The following NXPE2 variants were observed in gnomAD, a reference collection of about 807,000 sequenced individuals.
NXPE2 encodes the protein neurexophilin and PC-esterase domain family member 2.
In NXPE2, 34 loss-of-function variants were observed where a neutral mutation model predicts 34.4. The observed-to-expected ratio is 0.99, with a 90% CI of 0.75 to 1.31. The LOEUF is 1.31. Among genes scored for constraint, NXPE2 ranks in the 40% most tolerant of loss-of-function variants. The probability of loss-of-function intolerance (pLI) is 0.00; values close to 1 mark genes in which losing one functional copy is unlikely to be tolerated. For missense variants in NXPE2, 649 were observed against 672.5 expected (o/e 0.97, Z 0.39); for synonymous variants, 235 against 231.3 (o/e 1.02, Z -0.15).
At chr11:114,731,308 T>C in the NXPE2 span, among the ~76,000 whole-genome samples, 48,905 of 152,020 alleles carry the variant, frequency 0.32, 7,910 homozygotes, top group East Asian at 0.43. Context: ...TGGAAAACAG[T>C]TTGGCAGTTT....
intron 5 of NXPE2, among the ~76,000 whole-genome samples, 162 bp downstream of exon 5, chr11:114,706,158 G>A (rs1951469168): frequency 6.7e-6 from 1 of 150,358 alleles, no homozygotes; most frequent in Non-Finnish European, 1.5e-5. Flanking sequence ...TTAATAAAAA[G>A]TTAAATTTTA....
At chr11:114,711,840 T>G (rs1859619707), downstream of NXPE2, among the ~76,000 whole-genome samples, 1 of 152,132 alleles carries the variant, frequency 6.6e-6, no homozygotes, top group Admixed American at 6.6e-5. Flanking sequence ...CACTCCTTGA[T>G]TTTAAAACAT....
chr11:114,576,078 C>A, the NXPE2 span, among the ~76,000 whole-genome samples: 4 of 151,976 alleles, frequency 2.6e-5, no homozygotes, highest in South Asian at 8.3e-4. Flanking sequence ...TTTGACAAAG[C>A]AAACAAAAAC....
the NXPE2 span, among the ~76,000 whole-genome samples, chr11:114,774,551 T>C: frequency 6.6e-6 from 1 of 152,206 alleles, no homozygotes; most frequent in Non-Finnish European, 1.5e-5. Flanking sequence ...GGAGGAGGGC[T>C]CCTTACATTC....
chr11:114,742,575 G>A, the NXPE2 span, among the ~76,000 whole-genome samples: 3 of 150,270 alleles, frequency 2.0e-5, no homozygotes, highest in East Asian at 5.9e-4. Context: ...GGTGACACAG[G>A]TAAAGTGAAA....
chr11:114,663,645 C>T, the NXPE2 span, among the ~76,000 whole-genome samples: 32 of 65,008 alleles, frequency 4.9e-4, no homozygotes, highest in South Asian at 1.4e-3. Flanking sequence ...ATCATCTATC[C>T]ATCTATCATC....
the NXPE2 span, among the ~76,000 whole-genome samples, chr11:114,792,790 C>A: frequency 3.3e-5 from 5 of 152,198 alleles, no homozygotes; most frequent in Admixed American, 3.3e-4. Flanking sequence ...TTAATTGATT[C>A]TGCTAAACAC....
chr11:114,661,112 A>T, the NXPE2 span, among the ~76,000 whole-genome samples: 2 of 152,180 alleles, frequency 1.3e-5, no homozygotes, highest in African/African-American at 4.8e-5. Flanking sequence ...ATCAAAGAAG[A>T]CATAAATAAA....
At chr11:114,671,826 G>A in the NXPE2 span, among the ~76,000 whole-genome samples, 129,425 of 151,994 alleles carry the variant, frequency 0.85, 56,107 homozygotes, top group East Asian at 0.92. Flanking sequence ...AAGTGACCAC[G>A]GACAGTAATT....
At chr11:114,591,230 C>T in the NXPE2 span, among the ~76,000 whole-genome samples, 3 of 152,188 alleles carry the variant, frequency 2.0e-5, no homozygotes, top group Non-Finnish European at 1.5e-5. Flanking sequence ...CTTACAAGAG[C>T]ACTTGAATTA....
the NXPE2 span, among the ~76,000 whole-genome samples, chr11:114,717,835 G>T: frequency 2.0e-5 from 3 of 152,298 alleles, no homozygotes; most frequent in East Asian, 5.8e-4. Flanking sequence ...TTTGTTGGGG[G>T]AGAGTGAGGG....
the NXPE2 span, among the ~76,000 whole-genome samples, chr11:114,566,132 A>G: frequency 6.6e-6 from 1 of 152,188 alleles, no homozygotes; most frequent in African/African-American, 2.4e-5. Context: ...TAAATGGGAT[A>G]TTAAGTAGGC....
At chr11:114,807,369 A>T in the NXPE2 span, among the ~76,000 whole-genome samples, 1 of 152,254 alleles carries the variant, frequency 6.6e-6, no homozygotes, top group Non-Finnish European at 1.5e-5. Context: ...AATGGGCTAA[A>T]TGCTGCAATT....
chr11:114,562,045 C>T, the NXPE2 span, among the ~76,000 whole-genome samples: 1 of 152,168 alleles, frequency 6.6e-6, no homozygotes, highest in African/African-American at 2.4e-5. Context: ...GGTAATTAAA[C>T]ACACTTATTC....
chr11:114,684,713 A>C, intron 2 of NXPE2, among the ~76,000 whole-genome samples: 2 of 152,166 alleles, frequency 1.3e-5, no homozygotes, highest in Middle Eastern at 3.4e-3. Context: ...GGCTCCAAAA[A>C]TTTTCCTTTT....
chr11:114,471,496 C>T, the NXPE2 span, among the ~76,000 whole-genome samples: 803 of 152,138 alleles, frequency 5.3e-3, 8 homozygotes, highest in African/African-American at 0.018. Flanking sequence ...ATTTATGGAG[C>T]ATTTATAAAA....
chr11:114,496,495 C>T, the NXPE2 span, among the ~76,000 whole-genome samples: 1 of 151,972 alleles, frequency 6.6e-6, no homozygotes, highest in Admixed American at 6.6e-5. Flanking sequence ...ATTTTTGGTT[C>T]TTTAGGTTCT....
At chr11:114,605,229 T>C in the NXPE2 span, among the ~76,000 whole-genome samples, 1 of 151,942 alleles carries the variant, frequency 6.6e-6, no homozygotes, top group African/African-American at 2.4e-5. Flanking sequence ...GGGTAACTGC[T>C]GTTACCCACT....
At chr11:114,654,699 T>A in the NXPE2 span, among the ~76,000 whole-genome samples, 3 of 152,216 alleles carry the variant, frequency 2.0e-5, no homozygotes, top group Non-Finnish European at 4.4e-5. Flanking sequence ...ATATACCATA[T>A]TTTCTTTATC....
Sources: allele counts gnomAD v4.1 joint callset (sites outside exome capture counted in the v4.1 genomes callset), GRCh38; gene constraint gnomAD v4.1.1; transcripts MANE v1.5; gene names NCBI Gene and HGNC (gene_info 2026-07-23, HGNC 2026-07-21).